DNAJC11: variants seen among roughly 807,000 people sequenced by gnomAD.
The protein encoded by DNAJC11 is dnaJ homolog subfamily C member 11.
In DNAJC11, 15 loss-of-function variants were observed where a neutral mutation model predicts 78.6. The observed-to-expected ratio is 0.19, with a 90% confidence interval of 0.13 to 0.29. The LOEUF (loss-of-function observed/expected upper bound fraction) is 0.29. Among genes scored for constraint, DNAJC11 ranks in the 10% least tolerant of loss-of-function variants. The pLI, the probability that DNAJC11 is intolerant of heterozygous loss-of-function variation, is 1.00. For missense variants in DNAJC11, 547 were observed against 709.6 expected, an observed-to-expected ratio of 0.77 and a Z score of 2.60; for synonymous variants, 292 against 272.1, an observed-to-expected ratio of 1.07 and a Z score of -0.72.
At chr1:6,652,103 G>T (rs753770596) in intron 6 of DNAJC11, among the ~76,000 whole-genome samples, 2 of 152,220 alleles carry the variant, frequency 1.3e-5, no homozygotes, top group Non-Finnish European at 2.9e-5. Context: ...GCACAGCCTT[G>T]GAAGTCACAG....
intron 3 of DNAJC11, among the ~76,000 whole-genome samples, chr1:6,674,486 C>G (rs907369092): frequency 6.6e-6 from 1 of 151,912 alleles, no homozygotes; most frequent in Non-Finnish European, 1.5e-5. Flanking sequence ...ACTTGAACCC[C>G]GGAAGCAGAG....
rs145777701 is a variant in DNAJC11 at position 6,684,719 on chromosome 1, C to A, written c.73-3682G>T. 1.6e-3 allele frequency among the ~76,000 whole-genome samples: 245 copies of A among 152,214 alleles called. 1 individual carries two copies. Among genetic ancestry groups the A allele is most frequent in the African/African-American group, 5.6e-3 (232 of 41,526 alleles). On this transcript the variant is annotated intron_variant, in intron 1 of 15. Coordinates refer to ENST00000377577, the MANE Select transcript of DNAJC11 (RefSeq NM_018198.4). ...TAAATGAGAACCTCTTTCACTCTTA[C>A]AGAAATACTGTTATTTCAAAATGCA... is the stretch of plus-strand genomic sequence containing the variant.
chr1:6,693,454 C>T lies in DNAJC11; in HGVS notation c.72+8275G>A, dbSNP rs143348984. On this transcript the variant is annotated intron_variant, in intron 1 of 15. Transcript: ENST00000377577. The stretch of plus-strand genomic sequence containing the variant: ...GGAGTGCAGTGGTGGTGCGATCTTG[C>T]TTCACTGCAAACTCCATCTCCCGGG... Among the ~76,000 whole-genome samples, 773 of 152,174 alleles carry T rather than the reference C, an allele frequency of 5.1e-3. 7 individuals are homozygous for T. Among genetic ancestry groups the T allele is most frequent in the African/African-American group, 0.017 (721 of 41,530 alleles).
In DNAJC11 at chr1:6,642,849, T is replaced by C. The variant is rs569274129; in HGVS notation, c.1097+1709A>G. On this transcript the variant is annotated intron_variant, in intron 10 of 15. Coordinates refer to ENST00000377577, the MANE Select transcript of DNAJC11 (RefSeq NM_018198.4). ...TTAGGAAGAGAAAGCTGGACAAATA[T>C]ATGAGCTGGAGATTGAGGGGGTGGT... Among the ~76,000 whole-genome samples the C allele has an allele frequency of 8.8e-4, 134 of 152,102 alleles. 2 individuals carry two copies. The Middle Eastern group carries it at 0.02, about 23-fold the overall frequency.
intron 3 of DNAJC11, among the ~76,000 whole-genome samples, chr1:6,672,185 A>T (rs1485214790): frequency 6.6e-6 from 1 of 152,202 alleles, no homozygotes; most frequent in Non-Finnish European, 1.5e-5. Context: ...TATTAGTTTT[A>T]AAAAATGCAG....
intron 1 of DNAJC11, among the ~76,000 whole-genome samples, chr1:6,691,344 G>A (rs1642742704): frequency 1.3e-5 from 2 of 152,116 alleles, no homozygotes; most frequent in South Asian, 4.1e-4. Flanking sequence ...AGAGGTCATT[G>A]CAAGGGCTCA....
chr1:6,681,114 G>T, intron 1 of DNAJC11, 77 bp from the exon 2 acceptor site: 1 of 1,480,646 alleles, frequency 6.8e-7, no homozygotes, highest in South Asian at 1.3e-5. Flanking sequence ...GCCTTGAAAT[G>T]GGAACCCATC....
chr1:6,641,286 T>C (rs1347832999), intron 10 of DNAJC11, among the ~76,000 whole-genome samples: 1 of 151,122 alleles, frequency 6.6e-6, no homozygotes, highest in African/African-American at 2.4e-5. Flanking sequence ...CTCAGGAGGC[T>C]GAGGTAGGAG....
At chr1:6,692,928 CAG>C in intron 1 of DNAJC11, among the ~76,000 whole-genome samples, 1 of 149,326 alleles carries the variant, frequency 6.7e-6, no homozygotes, top group Middle Eastern at 3.6e-3. Context: ...TTTTCTTTGA[CAG>C]AGTCTTGCTC....
At chr1:6,656,673 G>A (rs775174760) in intron 4 of DNAJC11, among the ~76,000 whole-genome samples, 6 of 149,968 alleles carry the variant, frequency 4.0e-5, no homozygotes, top group Admixed American at 2.0e-4. Context: ...GAGCCCAGGA[G>A]TTCGAGACCA....
chr1:6,645,984 G>A lies in DNAJC11; in HGVS notation c.705-6C>T, dbSNP rs747516295. Reference sequence around the variant, plus strand: ...CACAGTTTGTTGTCACAAAGCTGGAGAGACACAGAGACAGAATAGGTCCTG... The same window carrying A: ...CACAGTTTGTTGTCACAAAGCTGGAAAGACACAGAGACAGAATAGGTCCTG... On this transcript the variant is annotated splice_region_variant and splice_polypyrimidine_tract_variant and intron_variant, in intron 7 of 15. Transcript: ENST00000377577. This position sits in a 1 kb window ranked among gnomAD's most constrained non-coding sequence, Gnocchi z 4.1. 10 of 1,613,786 alleles carry A rather than the reference G, an allele frequency of 6.2e-6. No homozygotes were observed. In the South Asian group the frequency reaches 8.8e-5, roughly 14 times the overall value.
chr1:6,689,814 G>C (rs904235875), intron 1 of DNAJC11, among the ~76,000 whole-genome samples: 3 of 152,028 alleles, frequency 2.0e-5, no homozygotes, highest in Non-Finnish European at 4.4e-5. Flanking sequence ...GACTGAACTG[G>C]AGAAAGGGCT....
intron 1 of DNAJC11, among the ~76,000 whole-genome samples, chr1:6,701,046 T>C (rs889357321): frequency 2.6e-5 from 4 of 152,104 alleles, no homozygotes; most frequent in Non-Finnish European, 5.9e-5. Flanking sequence ...TACAAGTGCT[T>C]GGTGTGAATG....
At position 6,634,755 on chromosome 1, in the gene DNAJC11, A is replaced by T; in HGVS notation, c.*920T>A. The stretch of plus-strand genomic sequence containing the variant: ...CCTGGTGTTCCTGTGAGGACGCTGG[A>T]CCTGCAGGAGCGGGGAGCTGCAGTG... On this transcript the variant is annotated 3_prime_UTR_variant, in exon 16 of 16. Transcript: ENST00000377577. The T allele has an allele frequency of 7.4e-7, 1 of 1,343,440 alleles. No individual in the cohort carries two copies. The highest frequency in any genetic ancestry group is 9.9e-7 in the Non-Finnish European group (1 of 1,009,818). 83.2% of individuals were successfully genotyped at this position (1,343,440 alleles called of 1,614,324 possible). A position where few individuals can be genotyped will look rare whatever the true frequency, so the allele number is the denominator to read the frequency against.
chr1:6,699,824 G>A (rs1005025422), intron 1 of DNAJC11, among the ~76,000 whole-genome samples: 2 of 152,150 alleles, frequency 1.3e-5, no homozygotes, highest in Admixed American at 6.5e-5. Flanking sequence ...ACCCCCAGGT[G>A]CCCTATGGCA....
In DNAJC11 at chr1:6,652,774, G is replaced by T; in HGVS notation, c.630+55C>A. The T allele has an allele frequency of 1.9e-6, 3 of 1,609,266 alleles. No homozygotes were observed. In the South Asian group the frequency reaches 3.3e-5, roughly 18 times the overall value. ...GAGGGTGAGCTTTGAGAGTGTAAAT[G>T]TTCAGAAATAAGGCTTTGCACAGAC... is the stretch of plus-strand genomic sequence containing the variant. On this transcript the variant is annotated intron_variant, in intron 6 of 15. Coordinates refer to ENST00000377577, the MANE Select transcript of DNAJC11 (RefSeq NM_018198.4).
intron 1 of DNAJC11, among the ~76,000 whole-genome samples, chr1:6,690,517 C>T (rs189801587): frequency 2.6e-5 from 4 of 152,298 alleles, no homozygotes; most frequent in Non-Finnish European, 5.9e-5. Flanking sequence ...TCACAATGAC[C>T]CCTTTTGAAG....
At position 6,642,950 on chromosome 1, in the gene DNAJC11, C is replaced by T. The variant is rs188142847; in HGVS notation, c.1097+1608G>A. On this transcript the variant is annotated intron_variant, in intron 10 of 15. Coordinates refer to ENST00000377577, the MANE Select transcript of DNAJC11 (RefSeq NM_018198.4). ...TGGACATGACTGCTTGGGAGTGAGT[C>T]GAGAGAGAAGGGCTGTGCCCTGCAG... 4.7e-3 allele frequency among the ~76,000 whole-genome samples: 716 copies of T among 152,164 alleles called. 1 individual carries two copies. Among genetic ancestry groups the T allele is most frequent in the Non-Finnish European group, 7.0e-3 (477 of 67,996 alleles).
At chr1:6,664,142 A>G (rs1449926035) in intron 4 of DNAJC11, among the ~76,000 whole-genome samples, 1 of 152,188 alleles carries the variant, frequency 6.6e-6, no homozygotes, top group African/African-American at 2.4e-5. Context: ...GGTAAGGCAC[A>G]TTCCACACTA....
Sources: gnomAD v4.1 joint callset for allele counts (sites outside exome capture counted in the v4.1 genomes callset) on GRCh38, gnomAD v4.1.1 for gene constraint, Gnocchi (gnomAD v3.1) non-coding constraint, MANE v1.5 for transcripts, NCBI Gene and HGNC (gene_info 2026-07-23, HGNC 2026-07-21) for gene names.